Variants in ZNF704 observed in about 807,000 individuals in gnomAD.
ZNF704 encodes the protein zinc finger protein 704.
In ZNF704, 10 loss-of-function variants were observed where a neutral mutation model predicts 44.7. The observed-to-expected ratio is 0.22, with a 90% confidence interval of 0.14 to 0.38. The LOEUF is 0.38. Ranked by LOEUF, ZNF704 falls within the 10% of genes least tolerant of loss-of-function variation. The pLI is 1.00. For synonymous variants in ZNF704, 211 were observed against 207.6 expected, an observed-to-expected ratio of 1.02 and a Z score of -0.14; for missense variants, 390 against 545.5, an observed-to-expected ratio of 0.71 and a Z score of 2.84.
chr8:80,671,163 T>C (rs766995299), intron 4 of ZNF704, among the ~76,000 whole-genome samples: 2 of 152,176 alleles, frequency 1.3e-5, no homozygotes, highest in Non-Finnish European at 2.9e-5. Flanking sequence ...GGTCCCACTC[T>C]GTCACCCAGG....
chr8:80,883,368 A>C, the ZNF704 span, among the ~76,000 whole-genome samples: 2 of 152,174 alleles, frequency 1.3e-5, no homozygotes, highest in African/African-American at 4.8e-5. Context: ...TTTAACATTA[A>C]TATAAATGTG....
At chr8:80,824,696 G>C (rs1339451032) in intron 1 of ZNF704, among the ~76,000 whole-genome samples, 1 of 152,196 alleles carries the variant, frequency 6.6e-6, no homozygotes, top group African/African-American at 2.4e-5. Context: ...TACCCACAAA[G>C]GGAAGCCCAT....
chr8:80,829,695 T>C lies in ZNF704; in HGVS notation c.-21-8080A>G, dbSNP rs192905292. Among the ~76,000 whole-genome samples the C allele has an allele frequency of 1.3e-3, 195 of 152,356 alleles. 1 individual carries two copies. The highest frequency in any genetic ancestry group is 2.4e-3 in the Non-Finnish European group (163 of 68,036). ...TATAACTGTATGTCATGCATGCTCT[T>C]AGCCAAGGCTTCATAATAAAATATA... On this transcript the variant is annotated intron_variant, in intron 1 of 8. Coordinates refer to ENST00000327835, the MANE Select transcript of ZNF704 (RefSeq NM_001033723.3).
chr8:80,775,925 T>G (rs1807402741), intron 2 of ZNF704, among the ~76,000 whole-genome samples: 1 of 152,176 alleles, frequency 6.6e-6, no homozygotes. Context: ...TTTATCCTAG[T>G]GATAAAGAGT....
At chr8:80,645,246 A>G in intron 7 of ZNF704, 1 of 1,413,898 alleles carries the variant, frequency 7.1e-7, no homozygotes, top group Middle Eastern at 2.5e-4. Context: ...CTAATTAATC[A>G]GTATTGCCAT....
At chr8:80,655,660 C>T (rs1370332283) in intron 7 of ZNF704, among the ~76,000 whole-genome samples, 1 of 152,130 alleles carries the variant, frequency 6.6e-6, no homozygotes, top group African/African-American at 2.4e-5. Context: ...ATGCCAGAGC[C>T]AGGATTTGCA....
At chr8:80,687,152 C>T (rs1818551445) in intron 4 of ZNF704, 74 bp downstream of exon 4, 1 of 1,331,836 alleles carries the variant, frequency 7.5e-7, no homozygotes, top group Non-Finnish European at 1.1e-6. Context: ...GTTAAGCTCA[C>T]ACCGGCCCTT....
chr8:80,820,569 G>A (rs1238420120), intron 2 of ZNF704, among the ~76,000 whole-genome samples: 1 of 151,500 alleles, frequency 6.6e-6, no homozygotes, highest in East Asian at 1.9e-4. Context: ...CAGACCACCT[G>A]TGCTCTGTGT....
rs1809324809 is a variant in ZNF704 at position 80,874,348 on chromosome 8, C to T, written c.-22+223G>A. Among the ~76,000 whole-genome samples the T allele has an allele frequency of 6.9e-6, 1 of 145,480 alleles. No homozygotes were observed. The highest frequency in any genetic ancestry group is 2.1e-4 in the South Asian group (1 of 4,782). ...CGCCGCCGCCGCCGCCGCCCGGGAG[C>T]CGCGGGCCGCGCTGCGCTCCATGCG... On this transcript the variant is annotated intron_variant, in intron 1 of 8. Transcript: ENST00000327835. The surrounding 1 kb of genome is among the most constrained non-coding windows in gnomAD (Gnocchi z 4.4).
chr8:80,763,561 G>A lies in ZNF704; in HGVS notation c.221+57813C>T, dbSNP rs189684740. 4.6e-5 allele frequency among the ~76,000 whole-genome samples: 7 copies of A among 152,248 alleles called. No homozygotes were observed. In the East Asian group the frequency reaches 7.7e-4, roughly 17 times the overall value. On this transcript the variant is annotated intron_variant, in intron 2 of 8. Transcript: ENST00000327835. ...GCACACAGCAGGGGGTCCTGGACCT[G>A]GCTCAGAAAACCATTTTCCCTCCTA...
chr8:80,636,462 G>C lies in ZNF704; in HGVS notation c.*4904C>G, dbSNP rs2131583429. The stretch of plus-strand genomic sequence containing the variant: ...ACATTTTATACTTTCTTGCTCTATT[G>C]GTGTGCATTACTCAGTGATACAACT... On this transcript the variant is annotated 3_prime_UTR_variant, in exon 9 of 9. Coordinates refer to ENST00000327835, the MANE Select transcript of ZNF704 (RefSeq NM_001033723.3). 1 of 152,110 alleles carries C rather than the reference G, an allele frequency of 6.6e-6. No individual in the cohort carries two copies. Among genetic ancestry groups the C allele is most frequent in the East Asian group, 1.9e-4 (1 of 5,178 alleles). The allele number at this position is 152,110 out of a possible 1,614,324, so 9.4% of individuals were successfully genotyped here.
intron 1 of ZNF704, among the ~76,000 whole-genome samples, chr8:80,825,495 C>G (rs1285600462): frequency 2.6e-5 from 4 of 152,190 alleles, no homozygotes; most frequent in Admixed American, 2.0e-4. Flanking sequence ...TAACACCCCA[C>G]TGTCAATGTT....
upstream of ZNF704, among the ~76,000 whole-genome samples, chr8:80,877,491 G>T (rs1225074219): frequency 6.6e-6 from 1 of 152,234 alleles, no homozygotes; most frequent in Non-Finnish European, 1.5e-5. Context: ...AAAGTATCTT[G>T]TGATGCCAAG....
At chr8:80,663,405 G>T (rs1478877520) in intron 6 of ZNF704, among the ~76,000 whole-genome samples, 1 of 151,178 alleles carries the variant, frequency 6.6e-6, no homozygotes, top group Admixed American at 6.6e-5. Flanking sequence ...CAGGAAAAAA[G>T]GGAGTTTTAC....
chr8:80,799,610 CAAT>C (rs773356755), intron 2 of ZNF704, among the ~76,000 whole-genome samples: 7 of 152,110 alleles, frequency 4.6e-5, no homozygotes, highest in Non-Finnish European at 7.3e-5. Context: ...CAGAAAACAA[CAAT>C]GACAATGACA....
chr8:80,879,712 C>T (rs1003820106), upstream of ZNF704, among the ~76,000 whole-genome samples: 1 of 152,202 alleles, frequency 6.6e-6, no homozygotes, highest in South Asian at 2.1e-4. Context: ...AGATGCCTAA[C>T]AGCCATGAAC....
intron 2 of ZNF704, among the ~76,000 whole-genome samples, chr8:80,700,672 G>A (rs1214548791): frequency 1.3e-5 from 2 of 152,194 alleles, no homozygotes; most frequent in Non-Finnish European, 2.9e-5. Context: ...TCAAAAGTGT[G>A]AGTTGGGGGT....
chr8:80,809,464 G>A (rs1278882952), intron 2 of ZNF704, among the ~76,000 whole-genome samples: 1 of 152,164 alleles, frequency 6.6e-6, no homozygotes, highest in Non-Finnish European at 1.5e-5. Context: ...TACTATTTTG[G>A]GGGTTAAGAA....
chr8:80,744,150 T>G (rs1004511196), intron 2 of ZNF704, among the ~76,000 whole-genome samples: 1 of 152,230 alleles, frequency 6.6e-6, no homozygotes, highest in African/African-American at 2.4e-5. Flanking sequence ...TTTAAAATAC[T>G]GATTACATAT....
Sources: gnomAD v4.1 joint callset for allele counts (sites outside exome capture counted in the v4.1 genomes callset) on GRCh38, gnomAD v4.1.1 for gene constraint, Gnocchi (gnomAD v3.1) non-coding constraint, MANE v1.5 for transcripts, NCBI Gene and HGNC (gene_info 2026-07-23, HGNC 2026-07-21) for gene names.